The following CCDC57 variants were observed in gnomAD, a reference collection of about 807,000 sequenced individuals.
CCDC57 encodes coiled-coil domain containing 57.
Under a neutral mutation model 118.9 loss-of-function variants are expected in CCDC57, and 118 were observed. That is an observed-to-expected ratio of 0.99 (90% CI 0.86 to 1.16). CCDC57 has a LOEUF of 1.16. Among genes scored for constraint, CCDC57 ranks in the 50% most tolerant of loss-of-function variants. The probability of loss-of-function intolerance (pLI) is 0.00; values close to 1 mark genes in which losing one functional copy is unlikely to be tolerated. For missense variants in CCDC57, 1,300 were observed against 1,320.7 expected (o/e 0.98, Z 0.24); for synonymous variants, 527 against 532.9 (o/e 0.99, Z 0.15).
chr17:82,194,077 ACT>A lies in CCDC57; in HGVS notation c.679_680del (p.Leu228AlafsTer38), dbSNP rs1456295699. 14 of 1,613,570 alleles carry A rather than the reference ACT, an allele frequency of 8.7e-6. No homozygotes were observed. The highest frequency in any genetic ancestry group is 6.7e-5 in the Admixed American group (4 of 59,978). On this transcript the variant is annotated frameshift_variant, in exon 6 of 20. Coordinates refer to ENST00000665763, the Ensembl canonical transcript of CCDC57. LOFTEE classifies it high-confidence loss of function. ...CGTTGGTGGCCTCTGCCCTCTGCAG[ACT>A]CTCTGCAGCCTTTGCCCCGGCTTCC...
Position 82,201,646 on chromosome 17 carries a change from GCT to G in CCDC57, c.297_298del (p.Ala100Ter). The G allele has an allele frequency of 1.2e-6, 2 of 1,613,884 alleles. No individual in the cohort carries two copies. Among genetic ancestry groups the G allele is most frequent in the Non-Finnish European group, 1.7e-6 (2 of 1,179,860 alleles). On this transcript the variant is annotated frameshift_variant, in exon 3 of 20. Coordinates refer to ENST00000665763, the Ensembl canonical transcript of CCDC57. LOFTEE classifies it high-confidence loss of function. The stretch of plus-strand genomic sequence containing the variant: ...TCTGGCTAGCGCCTGCCTCAGCTTA[GCT>G]GCCTCTATCTTGAGCTCGCTCACCT...
chr17:82,189,387 G>A (rs1297790380), intron 7 of CCDC57, among the ~76,000 whole-genome samples: 2 of 152,194 alleles, frequency 1.3e-5, no homozygotes, highest in African/African-American at 4.8e-5. Flanking sequence ...TCAGGTATAT[G>A]TAATGTTATG....
chr17:82,168,207 G>A (rs1444692593), intron 13 of CCDC57, among the ~76,000 whole-genome samples: 1 of 152,192 alleles, frequency 6.6e-6, no homozygotes, highest in Non-Finnish European at 1.5e-5. Context: ...CTTCTGAGGA[G>A]AAATCTGATG....
intron 8 of CCDC57, among the ~76,000 whole-genome samples, chr17:82,184,409 T>C (rs1336324615): frequency 6.6e-6 from 1 of 152,052 alleles, no homozygotes; most frequent in Non-Finnish European, 1.5e-5. Context: ...TAAAATAAGG[T>C]TCTACAGAAC....
chr17:82,113,197 C>G (rs1317278920), intron 19 of CCDC57: 1 of 589,274 alleles, frequency 1.7e-6, no homozygotes, highest in African/African-American at 1.9e-5. Context: ...CTTTCAGAAG[C>G]CACAGGTCAT....
chr17:82,102,553 T>G (rs988427322), intron 19 of CCDC57, among the ~76,000 whole-genome samples: 17 of 151,296 alleles, frequency 1.1e-4, no homozygotes, highest in Admixed American at 6.6e-4. Flanking sequence ...AATGTGGGGG[T>G]TTTTTTTGGT....
chr17:82,198,992 CAAA>C (rs34649384), intron 3 of CCDC57, among the ~76,000 whole-genome samples: 5,720 of 87,520 alleles, frequency 0.065, 141 homozygotes, highest in African/African-American at 0.12. Context: ...GACTCCATCT[CAAA>C]AAAAAAAAAA....
At chr17:82,108,107 C>T (rs555779560) in intron 19 of CCDC57, among the ~76,000 whole-genome samples, 6 of 152,242 alleles carry the variant, frequency 3.9e-5, no homozygotes, top group Non-Finnish European at 7.3e-5. Context: ...AAGCCTTCTC[C>T]AAGCTCAGAG....
At chr17:82,202,025 A>C in intron 2 of CCDC57, 73 bp from the exon 2 acceptor site, 6 of 1,383,538 alleles carry the variant, frequency 4.3e-6, no homozygotes, top group Non-Finnish European at 3.8e-6. Context: ...TACCTACCTC[A>C]CATTCCCTAT....
chr17:82,160,899 G>C (rs1165607329), intron 14 of CCDC57, among the ~76,000 whole-genome samples: 1 of 107,752 alleles, frequency 9.3e-6, no homozygotes, highest in Non-Finnish European at 2.0e-5. Flanking sequence ...AAAAAAAAAA[G>C]AGAAAGTGAA....
exon 11 of CCDC57, chr17:82,178,474 C>A (rs1209228836): frequency 6.2e-7 from 1 of 1,606,724 alleles, no homozygotes; most frequent in Non-Finnish European, 8.5e-7. Context: ...GTACTCTCAC[C>A]TGTGCCCCTG....
chr17:82,199,624 T>C (rs2146869549), intron 3 of CCDC57, among the ~76,000 whole-genome samples: 1 of 152,278 alleles, frequency 6.6e-6, no homozygotes, highest in South Asian at 2.1e-4. Flanking sequence ...GTAAACACTC[T>C]GGAAAGCAGC....
At chr17:82,125,001 G>A (rs1226111133) in intron 19 of CCDC57, among the ~76,000 whole-genome samples, 3 of 152,182 alleles carry the variant, frequency 2.0e-5, no homozygotes, top group Non-Finnish European at 4.4e-5. Context: ...TGAGCACAGA[G>A]GAGAGCCATG....
At chr17:82,187,907 C>A (rs890149029) in intron 8 of CCDC57, among the ~76,000 whole-genome samples, 1 of 151,828 alleles carries the variant, frequency 6.6e-6, no homozygotes, top group African/African-American at 2.4e-5. Flanking sequence ...TTTACAACAA[C>A]GTGAATGTGC....
intron 16 of CCDC57, among the ~76,000 whole-genome samples, chr17:82,140,327 C>A (rs1598839439): frequency 6.6e-6 from 1 of 152,280 alleles, no homozygotes; most frequent in East Asian, 1.9e-4. Context: ...ACCTCATGAT[C>A]TGCCTGCCTC....
At chr17:82,117,743 C>CAACAAACAAACA (rs146575771) in intron 19 of CCDC57, among the ~76,000 whole-genome samples, 39,879 of 151,112 alleles carry the variant, frequency 0.26, 5,661 homozygotes, top group Non-Finnish European at 0.32. Flanking sequence ...TCAGATTGGC[C>CAACAAACAAACA]AACAAACAAA....
chr17:82,136,429 C>T (rs1323432502), intron 16 of CCDC57, among the ~76,000 whole-genome samples: 1 of 152,104 alleles, frequency 6.6e-6, no homozygotes, highest in Non-Finnish European at 1.5e-5. Context: ...CAGGAAGCAA[C>T]TGCGAATGAG....
At chr17:82,154,336 T>C (rs2042419365) in intron 15 of CCDC57, 1 of 152,388 alleles carries the variant, frequency 6.6e-6, no homozygotes, top group Non-Finnish European at 1.5e-5. Flanking sequence ...GCTAGGGCCG[T>C]GGAAGGGGAC....
chr17:82,165,654 G>C (rs2043899567), intron 13 of CCDC57, among the ~76,000 whole-genome samples: 1 of 152,164 alleles, frequency 6.6e-6, no homozygotes, highest in South Asian at 2.1e-4. Flanking sequence ...CATGTGGGGA[G>C]GGTCACAGGA....
Sources: gnomAD v4.1 joint callset for allele counts (sites outside exome capture counted in the v4.1 genomes callset) on GRCh38, gnomAD v4.1.1 for gene constraint, MANE v1.5 for transcripts, NCBI Gene and HGNC (gene_info 2026-07-23, HGNC 2026-07-21) for gene names.